PIK3C2G: variants seen among roughly 807,000 people sequenced by gnomAD.
The protein encoded by PIK3C2G is phosphatidylinositol 3-kinase C2 domain-containing subunit gamma.
In PIK3C2G, 168 loss-of-function variants were observed where a neutral mutation model predicts 181.1. The ratio of observed to expected loss-of-function variants is 0.93; its 90% CI spans 0.82 to 1.05. The LOEUF is 1.05. Among genes scored for constraint, PIK3C2G ranks in the 50% least tolerant of loss-of-function variants. PIK3C2G has a pLI of 0.00. For missense variants in PIK3C2G, 1,869 were observed against 1,732.8 expected, an observed-to-expected ratio of 1.08 and a Z score of -1.40; for synonymous variants, 573 against 592.2, an observed-to-expected ratio of 0.97 and a Z score of 0.47.
chr12:18,399,870 G>A, intron 16 of PIK3C2G, 23 bp downstream of exon 16: 1 of 1,476,416 alleles, frequency 6.8e-7, no homozygotes, highest in Non-Finnish European at 9.2e-7. Context: ...TAACAAGCAT[G>A]ATATTACTGA....
At chr12:18,313,276 A>G (rs1950714850) in intron 5 of PIK3C2G, among the ~76,000 whole-genome samples, 1 of 152,200 alleles carries the variant, frequency 6.6e-6, no homozygotes, top group Non-Finnish European at 1.5e-5. Flanking sequence ...TTATAGGCAA[A>G]AAAAGAAAGA....
In PIK3C2G at chr12:18,644,726, C is replaced by T. The variant is rs541389654; in HGVS notation, c.4309-3150C>T. Among the ~76,000 whole-genome samples, 102 of 152,284 alleles carry T rather than the reference C, an allele frequency of 6.7e-4. 1 individual carries two copies. The South Asian group carries it at 0.021, about 31-fold the overall frequency. The stretch of plus-strand genomic sequence containing the variant: ...ACACAACTAGATGTCAAGCCCAGAA[C>T]TGCCTGATTCCAAAGCTCATGGTTA... On this transcript the variant is annotated intron_variant, in intron 32 of 32. Transcript: ENST00000538779.
chr12:18,398,983 C>G (rs993240952), intron 15 of PIK3C2G, among the ~76,000 whole-genome samples: 3 of 151,778 alleles, frequency 2.0e-5, no homozygotes, highest in Non-Finnish European at 4.4e-5. Flanking sequence ...ATCACGAGGT[C>G]AGGAGATCGA....
At chr12:18,680,883 T>G in the PIK3C2G span, among the ~76,000 whole-genome samples, 1 of 152,092 alleles carries the variant, frequency 6.6e-6, no homozygotes, top group African/African-American at 2.4e-5. Flanking sequence ...GTCAATTCTA[T>G]GATTGGAGTA....
intron 11 of PIK3C2G, among the ~76,000 whole-genome samples, chr12:18,348,516 A>G (rs1436326140): frequency 1.3e-5 from 2 of 152,152 alleles, no homozygotes; most frequent in Non-Finnish European, 2.9e-5. Flanking sequence ...CCTATAATCA[A>G]TAAATAAATT....
At chr12:18,361,764 G>A (rs1941256573) in intron 11 of PIK3C2G, among the ~76,000 whole-genome samples, 1 of 152,156 alleles carries the variant, frequency 6.6e-6, no homozygotes, top group South Asian at 2.1e-4. Flanking sequence ...GTTTTCAGTA[G>A]TGTGGACCTA....
intron 31 of PIK3C2G, among the ~76,000 whole-genome samples, chr12:18,616,820 T>C (rs10770372): frequency 0.42 from 63,109 of 151,936 alleles, 14,399 homozygotes; most frequent in East Asian, 0.74. Flanking sequence ...AAATTTTTGT[T>C]TTATAAAATT....
intron 17 of PIK3C2G, among the ~76,000 whole-genome samples, chr12:18,421,721 ACTTGTGGTTTTTATG>A (rs1945499789): frequency 6.6e-6 from 1 of 151,528 alleles, no homozygotes; most frequent in Non-Finnish European, 1.5e-5. Flanking sequence ...ATAGATCTAA[ACTTGTGGTTTTTATG>A]CTTTGTTTTG....
intron 31 of PIK3C2G, among the ~76,000 whole-genome samples, chr12:18,636,073 C>A (rs621042): frequency 0.37 from 56,002 of 152,142 alleles, 12,112 homozygotes; most frequent in Admixed American, 0.52. Context: ...AGTTAGCATA[C>A]TGTCATCAGT....
At chr12:18,368,667 T>C (rs1355337044) in intron 12 of PIK3C2G, among the ~76,000 whole-genome samples, 1 of 152,210 alleles carries the variant, frequency 6.6e-6, no homozygotes, top group African/African-American at 2.4e-5. Context: ...ATGCCATCAG[T>C]CAGGTATTAG....
chr12:18,699,521 C>T, the PIK3C2G span, among the ~76,000 whole-genome samples: 2 of 152,120 alleles, frequency 1.3e-5, no homozygotes, highest in Non-Finnish European at 2.9e-5. Flanking sequence ...CCTATACAAG[C>T]TGCTCACCAC....
At chr12:18,319,033 C>A (rs528966923) in intron 6 of PIK3C2G, among the ~76,000 whole-genome samples, 2 of 151,094 alleles carry the variant, frequency 1.3e-5, no homozygotes, top group Non-Finnish European at 2.9e-5. Context: ...TGTAGTGAGC[C>A]GAGATCACAC....
At chr12:18,709,800 G>T in the PIK3C2G span, among the ~76,000 whole-genome samples, 1 of 152,040 alleles carries the variant, frequency 6.6e-6, no homozygotes, top group East Asian at 1.9e-4. Flanking sequence ...CAGGAGTATA[G>T]GATATCTTTT....
intron 11 of PIK3C2G, among the ~76,000 whole-genome samples, chr12:18,354,097 T>A (rs958214110): frequency 5.3e-5 from 8 of 152,240 alleles, no homozygotes; most frequent in African/African-American, 1.9e-4. Flanking sequence ...CTTCTCAGTG[T>A]TAGTCAGGGT....
At chr12:18,320,344 T>C (rs530165873) in intron 6 of PIK3C2G, among the ~76,000 whole-genome samples, 8 of 151,720 alleles carry the variant, frequency 5.3e-5, no homozygotes, top group African/African-American at 1.5e-4. Context: ...TGCGTGTGTG[T>C]GTGAGCACAC....
intron 18 of PIK3C2G, chr12:18,425,166 A>G: frequency 5.5e-6 from 1 of 182,104 alleles, no homozygotes; most frequent in Non-Finnish European, 1.2e-5. Context: ...TGCTGATGGA[A>G]GCATTGGGAT....
intron 2 of PIK3C2G, among the ~76,000 whole-genome samples, chr12:18,285,796 A>T (rs1949420034): frequency 6.6e-6 from 1 of 151,978 alleles, no homozygotes; most frequent in Non-Finnish European, 1.5e-5. Flanking sequence ...TAAAATAGAA[A>T]AGACAAATAG....
chr12:18,329,929 A>G (rs1937749671), intron 8 of PIK3C2G, among the ~76,000 whole-genome samples: 1 of 152,002 alleles, frequency 6.6e-6, no homozygotes, highest in Non-Finnish European at 1.5e-5. Flanking sequence ...TTCATACTAA[A>G]CTCATAAATT....
chr12:18,450,237 C>T (rs1020769820), intron 18 of PIK3C2G, among the ~76,000 whole-genome samples: 1 of 152,366 alleles, frequency 6.6e-6, no homozygotes, highest in South Asian at 2.1e-4. Flanking sequence ...GGTGATTCTC[C>T]TGCCTCAGCA....
Sources: gnomAD v4.1 joint callset for allele counts (sites outside exome capture counted in the v4.1 genomes callset) on GRCh38, gnomAD v4.1.1 for gene constraint, MANE v1.5 for transcripts, NCBI Gene and HGNC (gene_info 2026-07-23, HGNC 2026-07-21) for gene names.